The following ALCAM variants were observed in gnomAD, a reference collection of about 807,000 sequenced individuals.
ALCAM encodes CD166 antigen.
A neutral mutation model predicts 70.9 loss-of-function variants in ALCAM; 30 were observed. The observed-to-expected ratio is 0.42, with a 90% CI of 0.32 to 0.57. The LOEUF is 0.57. Among genes scored for constraint, ALCAM ranks in the 20% least tolerant of loss-of-function variants. ALCAM has a pLI of 0.11. For missense variants in ALCAM, 591 were observed against 695.1 expected (o/e 0.85, Z 1.68); for synonymous variants, 249 against 242.5 (o/e 1.03, Z -0.25).
chr3:105,404,043 A>G (rs1350422492), intron 1 of ALCAM, among the ~76,000 whole-genome samples: 1 of 151,774 alleles, frequency 6.6e-6, no homozygotes, highest in Admixed American at 6.6e-5. Flanking sequence ...AAACAAAGAA[A>G]AAGAATGGAA....
chr3:105,457,197 A>C (rs1445052104), intron 1 of ALCAM, among the ~76,000 whole-genome samples: 1 of 152,202 alleles, frequency 6.6e-6, no homozygotes, highest in African/African-American at 2.4e-5. Flanking sequence ...AATGGCCTCC[A>C]GCTCCATTCC....
intron 3 of ALCAM, chr3:105,525,063 G>C: frequency 1.1e-6 from 1 of 884,688 alleles, no homozygotes; most frequent in Non-Finnish European, 1.4e-6. Context: ...ATATATATTA[G>C]AGATATAGAT....
At chr3:105,546,179 A>G (rs528421083) in intron 9 of ALCAM, among the ~76,000 whole-genome samples, 18 of 150,422 alleles carry the variant, frequency 1.2e-4, no homozygotes, top group Admixed American at 1.0e-3. Context: ...TTACCAGAGC[A>G]TGACATGTGA....
intron 1 of ALCAM, among the ~76,000 whole-genome samples, chr3:105,382,640 T>A (rs1935551728): frequency 6.6e-6 from 1 of 151,998 alleles, no homozygotes; most frequent in East Asian, 1.9e-4. Context: ...TTCTAACTGG[T>A]GTGAGATGGT....
At chr3:105,528,543 A>G (rs899988062) in intron 3 of ALCAM, among the ~76,000 whole-genome samples, 2 of 152,202 alleles carry the variant, frequency 1.3e-5, no homozygotes, top group African/African-American at 2.4e-5. Context: ...ACTTTTCACT[A>G]TATATGATCA....
chr3:105,533,729 G>A (rs756844872), intron 5 of ALCAM, 39 bp downstream of exon 5: 6 of 1,564,518 alleles, frequency 3.8e-6, no homozygotes, highest in Non-Finnish European at 5.3e-6. Context: ...TACATTCAGA[G>A]GACCTGTTCT....
At chr3:105,498,714 T>G (rs1372570933) in intron 1 of ALCAM, among the ~76,000 whole-genome samples, 1 of 152,082 alleles carries the variant, frequency 6.6e-6, no homozygotes, top group East Asian at 1.9e-4. Flanking sequence ...AGTAAAACAT[T>G]CCAATATAAA....
chr3:105,459,887 TG>T (rs1937580209), intron 1 of ALCAM, among the ~76,000 whole-genome samples: 1 of 152,068 alleles, frequency 6.6e-6, no homozygotes, highest in Admixed American at 6.6e-5. Flanking sequence ...TAATTAGACT[TG>T]CATAGAGATG....
At chr3:105,526,334 T>C (rs1006377341) in intron 3 of ALCAM, among the ~76,000 whole-genome samples, 4 of 150,916 alleles carry the variant, frequency 2.7e-5, no homozygotes, top group African/African-American at 7.3e-5. Context: ...CAAGAAATCA[T>C]ACCTGTAAAT....
At chr3:105,476,015 A>G (rs1938098690) in intron 1 of ALCAM, among the ~76,000 whole-genome samples, 1 of 151,824 alleles carries the variant, frequency 6.6e-6, no homozygotes, top group Non-Finnish European at 1.5e-5. Flanking sequence ...GTCTAATTCT[A>G]TTTCAAGTTT....
At chr3:105,568,467 CT>C (rs1940793162) in intron 14 of ALCAM, among the ~76,000 whole-genome samples, 1 of 152,140 alleles carries the variant, frequency 6.6e-6, no homozygotes, top group African/African-American at 2.4e-5. Context: ...TTGCTAAGCA[CT>C]TCTGGCTTGG....
intron 1 of ALCAM, among the ~76,000 whole-genome samples, chr3:105,519,177 G>A (rs1399281129): frequency 6.6e-6 from 1 of 152,012 alleles, no homozygotes; most frequent in Non-Finnish European, 1.5e-5. Flanking sequence ...TTAAAAAATT[G>A]AAATGTTTCC....
intron 1 of ALCAM, among the ~76,000 whole-genome samples, chr3:105,389,371 GTTTTTTT>G (rs371987714): frequency 1.9e-4 from 11 of 58,194 alleles, no homozygotes; most frequent in South Asian, 2.1e-3. Context: ...TATATACATA[GTTTTTTT>G]TTTTTTTTTT....
chr3:105,394,423 G>A (rs570303509), intron 1 of ALCAM, among the ~76,000 whole-genome samples: 5 of 151,964 alleles, frequency 3.3e-5, no homozygotes, highest in African/African-American at 7.2e-5. Context: ...TTCCTCCCAC[G>A]TGCCTAGGCT....
At chr3:105,367,577 C>T in intron 1 of ALCAM, 96 bp downstream of exon 1, 1 of 1,454,324 alleles carries the variant, frequency 6.9e-7, no homozygotes, top group Non-Finnish European at 9.5e-7. Context: ...GCAGTGCGCC[C>T]AGGCGCGTGG....
chr3:105,478,226 A>G (rs564997475), intron 1 of ALCAM, among the ~76,000 whole-genome samples: 1 of 152,088 alleles, frequency 6.6e-6, no homozygotes, highest in Non-Finnish European at 1.5e-5. Context: ...GTAACAGCCA[A>G]TTAAGTTAGA....
At chr3:105,529,513 G>A (rs1357135008) in intron 3 of ALCAM, among the ~76,000 whole-genome samples, 3 of 152,086 alleles carry the variant, frequency 2.0e-5, no homozygotes, top group Non-Finnish European at 4.4e-5. Context: ...AAGATACATA[G>A]TTAATATAGA....
At chr3:105,403,206 C>G (rs1936135043) in intron 1 of ALCAM, among the ~76,000 whole-genome samples, 1 of 152,150 alleles carries the variant, frequency 6.6e-6, no homozygotes, top group Admixed American at 6.5e-5. Context: ...CTCAGCCTCC[C>G]ACAGTGCCGG....
intron 1 of ALCAM, among the ~76,000 whole-genome samples, chr3:105,410,775 G>T (rs1198843168): frequency 1.3e-5 from 2 of 152,008 alleles, no homozygotes; most frequent in African/African-American, 4.8e-5. Context: ...TTTGATGAAT[G>T]CAGTACTCTC....
Sources: gnomAD v4.1 joint callset for allele counts (sites outside exome capture counted in the v4.1 genomes callset) on GRCh38, gnomAD v4.1.1 for gene constraint, MANE v1.5 for transcripts, NCBI Gene and HGNC (gene_info 2026-07-23, HGNC 2026-07-21) for gene names.